KDM4C: variants seen among roughly 807,000 people sequenced by gnomAD.
The protein encoded by KDM4C is lysine demethylase 4C, also known as lysine-specific demethylase 4C.
In KDM4C, 81 loss-of-function variants were observed where a neutral mutation model predicts 129.3. The observed-to-expected ratio is 0.63, with a 90% CI of 0.52 to 0.75. The LOEUF (loss-of-function observed/expected upper bound fraction) is 0.75. Among genes scored for constraint, KDM4C ranks in the 30% least tolerant of loss-of-function variants. The pLI is 0.00. For missense variants in KDM4C, 1,457 were observed against 1,304.0 expected (o/e 1.12, Z -1.81); for synonymous variants, 573 against 456.1 (o/e 1.26, Z -3.26).
intron 19 of KDM4C, among the ~76,000 whole-genome samples, chr9:7,160,223 C>A (rs1161202450): frequency 6.6e-6 from 1 of 152,130 alleles, no homozygotes; most frequent in Non-Finnish European, 1.5e-5. Context: ...TTCTAGTTAG[C>A]CATTTGTCTA....
At chr9:7,060,020 A>G (rs1457908647) in intron 17 of KDM4C, among the ~76,000 whole-genome samples, 1 of 152,178 alleles carries the variant, frequency 6.6e-6, no homozygotes, top group Non-Finnish European at 1.5e-5. Context: ...CCACTGGAAT[A>G]GAGAGAGGAT....
At chr9:6,759,852 A>G (rs1015788692) in intron 1 of KDM4C, among the ~76,000 whole-genome samples, 2 of 151,682 alleles carry the variant, frequency 1.3e-5, no homozygotes, top group Admixed American at 6.6e-5. Flanking sequence ...GAGGCAAGAG[A>G]ATCACTTGAA....
intron 4 of KDM4C, among the ~76,000 whole-genome samples, chr9:6,839,151 G>T (rs1381653152): frequency 1.3e-5 from 2 of 152,150 alleles, no homozygotes. Context: ...TTTCTTTAAA[G>T]ACAAAGTCTT....
At position 7,011,831 on chromosome 9, in the gene KDM4C, G is replaced by T. The variant is rs533266426; in HGVS notation, c.1920G>T (p.Arg640Ser). 1 of 1,614,108 alleles carries T rather than the reference G, an allele frequency of 6.2e-7. No homozygotes were observed. Among genetic ancestry groups the T allele is most frequent in the South Asian group, 1.1e-5 (1 of 91,090 alleles). ...AAGAGTATAATGCAACAGTGGCCAG[G>T]ATGAAGCCACACTGTGCCATCTGCA... ...AEQEYNATVA[R>S]MKPHCAICTL... is the part of the protein sequence containing the mutation. The change falls in exon 13 of 22, where the codon AGG becomes AGT. Residue 640 changes from arginine to serine, a missense_variant. Transcript: ENST00000381309.
chr9:6,841,124 A>G (rs1411520827), intron 4 of KDM4C, among the ~76,000 whole-genome samples: 1 of 152,194 alleles, frequency 6.6e-6, no homozygotes, highest in African/African-American at 2.4e-5. Context: ...TTCTTACAGA[A>G]TCTAGGTGGC....
intron 11 of KDM4C, among the ~76,000 whole-genome samples, chr9:6,988,840 G>T (rs1210180511): frequency 5.3e-5 from 8 of 151,478 alleles, no homozygotes; most frequent in African/African-American, 1.9e-4. Flanking sequence ...AAGTATCACT[G>T]TATCAGAAAG....
intron 7 of KDM4C, among the ~76,000 whole-genome samples, chr9:6,890,530 C>A (rs1203277348): frequency 6.6e-6 from 1 of 152,110 alleles, no homozygotes; most frequent in Non-Finnish European, 1.5e-5. Context: ...TATCCACTCT[C>A]TTCTCTAGCT....
At chr9:7,014,949 CA>C (rs1823386513) in intron 14 of KDM4C, among the ~76,000 whole-genome samples, 1 of 148,038 alleles carries the variant, frequency 6.8e-6, no homozygotes, top group Non-Finnish European at 1.5e-5. Context: ...CACACACACA[CA>C]CACCTTACAT....
At chr9:6,805,466 T>TC in intron 2 of KDM4C, 133 bp from the exon 3 acceptor site, 1 of 239,036 alleles carries the variant, frequency 4.2e-6, no homozygotes, top group South Asian at 8.3e-5. Flanking sequence ...ATATTCATCT[T>TC]TTTTTTTTTT....
At chr9:6,870,470 C>T (rs1842677465) in intron 5 of KDM4C, among the ~76,000 whole-genome samples, 1 of 151,974 alleles carries the variant, frequency 6.6e-6, no homozygotes, top group African/African-American at 2.4e-5. Context: ...GAAGCTTTGG[C>T]TTCCTCATTA....
intron 5 of KDM4C, among the ~76,000 whole-genome samples, chr9:6,850,017 A>C (rs1441985249): frequency 1.3e-5 from 2 of 152,342 alleles, no homozygotes; most frequent in Non-Finnish European, 1.5e-5. Context: ...TGTTTAGCTA[A>C]ATGAATACTT....
At chr9:6,834,929 G>A (rs747982185) in intron 4 of KDM4C, 17 of 1,138,980 alleles carry the variant, frequency 1.5e-5, no homozygotes, top group East Asian at 2.3e-5. Flanking sequence ...CGGTGACGGG[G>A]TCACCCACAG....
chr9:6,967,097 TAAAGCA>T (rs1831115975), intron 8 of KDM4C, among the ~76,000 whole-genome samples: 1 of 152,074 alleles, frequency 6.6e-6, no homozygotes, highest in Non-Finnish European at 1.5e-5. Flanking sequence ...ATGAAGTGAC[TAAAGCA>T]TCTCCCTGAA....
intron 8 of KDM4C, among the ~76,000 whole-genome samples, chr9:6,904,906 C>G (rs924836243): frequency 2.6e-5 from 4 of 151,996 alleles, no homozygotes; most frequent in East Asian, 1.9e-4. Context: ...AAAAAAAAAC[C>G]TAGCTTGGTT....
chr9:7,064,869 A>C (rs2132727978), intron 17 of KDM4C, among the ~76,000 whole-genome samples: 1 of 152,346 alleles, frequency 6.6e-6, no homozygotes, highest in East Asian at 1.9e-4. Context: ...CCATTTGGCC[A>C]GTGATGATAA....
At chr9:6,994,399 C>T (rs818889) in intron 12 of KDM4C, among the ~76,000 whole-genome samples, 39,540 of 152,002 alleles carry the variant, frequency 0.26, 5,779 homozygotes, top group Non-Finnish European at 0.32. Flanking sequence ...GTTTCAATCC[C>T]TTGTCACCAC....
intron 5 of KDM4C, among the ~76,000 whole-genome samples, chr9:6,860,537 A>C (rs1840731653): frequency 6.6e-6 from 1 of 152,190 alleles, no homozygotes; most frequent in South Asian, 2.1e-4. Flanking sequence ...GGGTGATGAA[A>C]TTATCCCTAC....
chr9:7,055,007 T>C (rs984044872), intron 17 of KDM4C, among the ~76,000 whole-genome samples: 9 of 152,084 alleles, frequency 5.9e-5, no homozygotes. Context: ...TGAAACCCCA[T>C]CTCTACTAAA....
In KDM4C at chr9:6,793,077, A is replaced by G. The variant is rs979159410; in HGVS notation, c.89A>G (p.Asn30Ser). Residue 30 changes from asparagine to serine, a missense_variant, in exon 2 of 22, where the codon AAC (asparagine) becomes AGC (serine). Asn to Ser is a conservative substitution (Grantham distance 46). Coordinates refer to ENST00000381309, the MANE Select transcript of KDM4C (RefSeq NM_015061.6). ...TCCATGGAGGAGTTCCGGGAGTTCAACAAATACCTTGCATACATGGAGTCT... is the reference window on the plus strand; with the variant it reads ...TCCATGGAGGAGTTCCGGGAGTTCAGCAAATACCTTGCATACATGGAGTCT... ...RPSMEEFREF[N>S]KYLAYMESKG... The G allele has an allele frequency of 1.7e-5, 27 of 1,614,074 alleles. No homozygotes were observed. The highest frequency in any genetic ancestry group is 8.5e-7 in the Non-Finnish European group (1 of 1,180,034).
Sources: allele counts gnomAD v4.1 joint callset (sites outside exome capture counted in the v4.1 genomes callset), GRCh38; gene constraint gnomAD v4.1.1; transcripts MANE v1.5; gene names NCBI Gene and HGNC (gene_info 2026-07-23, HGNC 2026-07-21).